Variants in TUBGCP5 observed in about 807,000 individuals in gnomAD.
TUBGCP5 encodes tubulin gamma complex component 5, also known as gamma-tubulin complex component 5.
A neutral mutation model predicts 134.7 loss-of-function variants in TUBGCP5; 98 were observed. That is an observed-to-expected ratio of 0.73 (90% CI 0.62 to 0.86). The LOEUF (loss-of-function observed/expected upper bound fraction) is 0.86. TUBGCP5 is among the 40% of genes least tolerant of loss of function. TUBGCP5 has a pLI of 0.00. For missense variants in TUBGCP5, 1,150 were observed against 1,244.8 expected, an observed-to-expected ratio of 0.92 and a Z score of 1.15; for synonymous variants, 456 against 431.4, an observed-to-expected ratio of 1.06 and a Z score of -0.71.
At chr15:23,016,135 A>G (rs922439885) in intron 13 of TUBGCP5, among the ~76,000 whole-genome samples, 5 of 152,234 alleles carry the variant, frequency 3.3e-5, no homozygotes, top group African/African-American at 1.2e-4. Context: ...TCAGGAAAAG[A>G]ATGATTTGAA....
At chr15:22,995,438 C>T (rs185182434), downstream of TUBGCP5, among the ~76,000 whole-genome samples, 9 of 152,012 alleles carry the variant, frequency 5.9e-5, no homozygotes, top group Non-Finnish European at 2.9e-5. Context: ...GGCCCAAAGC[C>T]ACCTGCAGCT....
intron 23 of TUBGCP5, among the ~76,000 whole-genome samples, chr15:22,993,074 T>C (rs1002949594): frequency 6.6e-6 from 1 of 152,192 alleles, no homozygotes; most frequent in East Asian, 1.9e-4. Flanking sequence ...GAAAATGTGC[T>C]CTAGAGACGA....
At chr15:23,003,424 A>G in intron 20 of TUBGCP5, among the ~76,000 whole-genome samples, 1 of 152,162 alleles carries the variant, frequency 6.6e-6, no homozygotes, top group East Asian at 1.9e-4. Context: ...ATTTAAATTC[A>G]CCAATGAAAC....
At position 23,032,745 on chromosome 15, in the gene TUBGCP5, G is replaced by C; in HGVS notation, c.389C>G (p.Pro130Arg). Reference sequence around the variant, plus strand: ...TAACATACCCACTTCTTTATTTCTTGGTGTCTCCACATAACTGCTGTTTGA... The same window carrying C: ...TAACATACCCACTTCTTTATTTCTTCGTGTCTCCACATAACTGCTGTTTGA... ...SPSNSSYVET[P>R]RNKEVEKKDD... The change falls in exon 4 of 23, where the codon CCA becomes CGA. Residue 130 changes from proline to arginine, a missense_variant. Pro to Arg is a moderately radical substitution (Grantham distance 103). Around this residue, in one of 2 missense-constraint regions of TUBGCP5, gnomAD observed 453 missense variants for 394.7 expected, o/e 1.15. Transcript: ENST00000615383. 6.3e-7 allele frequency: 1 copy of C among 1,579,720 alleles called. No individual in the cohort carries two copies. The highest frequency in any genetic ancestry group is 8.6e-7 in the Non-Finnish European group (1 of 1,165,824).
downstream of TUBGCP5, among the ~76,000 whole-genome samples, chr15:22,998,768 C>G (rs2064210980): frequency 6.6e-6 from 1 of 152,138 alleles, no homozygotes; most frequent in African/African-American, 2.4e-5. Flanking sequence ...ATGTGGGCCA[C>G]CACACCTGGC....
At chr15:23,023,701 C>G in intron 10 of TUBGCP5, 1 of 357,058 alleles carries the variant, frequency 2.8e-6, no homozygotes, top group Non-Finnish European at 5.1e-6. Flanking sequence ...GAGAGGAGAA[C>G]TGACTGGCTG....
chr15:23,039,249 GC>G, intron 1 of TUBGCP5, 148 bp downstream of exon 1: 1 of 904,106 alleles, frequency 1.1e-6, no homozygotes, highest in Non-Finnish European at 1.4e-6. Flanking sequence ...CGGGGAGCAG[GC>G]GGTGGCAGGG....
chr15:23,031,083 A>T (rs1464831680), intron 5 of TUBGCP5, 63 bp from the exon 6 acceptor site: 6 of 1,433,636 alleles, frequency 4.2e-6, no homozygotes, highest in Non-Finnish European at 5.5e-6. Flanking sequence ...TATTTACATT[A>T]AAAGACTAAG....
At chr15:22,985,615 T>C (rs551253374) in intron 23 of TUBGCP5, among the ~76,000 whole-genome samples, 97 of 152,288 alleles carry the variant, frequency 6.4e-4, no homozygotes, top group African/African-American at 2.3e-3. Context: ...ATACTGTTCA[T>C]ATAATGGAAT....
chr15:23,031,734 T>C (rs2066324667), intron 5 of TUBGCP5, among the ~76,000 whole-genome samples: 1 of 152,062 alleles, frequency 6.6e-6, no homozygotes, highest in African/African-American at 2.4e-5. Context: ...GAGCAGGAGA[T>C]TACAGATGTG....
intron 10 of TUBGCP5, 189 bp downstream of exon 10, chr15:23,023,758 T>C: frequency 1.9e-6 from 1 of 515,488 alleles, no homozygotes; most frequent in Non-Finnish European, 3.2e-6. Context: ...TTCTAAATCT[T>C]CTGTAGTTTT....
intron 13 of TUBGCP5, 110 bp from the exon 14 acceptor site, chr15:23,011,441 ATATT>A (rs1206553922): frequency 6.3e-6 from 2 of 316,322 alleles, no homozygotes; most frequent in East Asian, 1.2e-4. Context: ...CAAAATCTAT[ATATT>A]TATATATAAA....
chr15:23,026,857 C>T (rs531759718), intron 7 of TUBGCP5, among the ~76,000 whole-genome samples: 1 of 152,094 alleles, frequency 6.6e-6, no homozygotes, highest in South Asian at 2.1e-4. Context: ...TGCTGGAACC[C>T]GGGAGGCAGA....
At position 23,030,902 on chromosome 15, in the gene TUBGCP5, G is replaced by A. The variant is rs1405299133; in HGVS notation, c.605C>T (p.Pro202Leu). Residue 202 changes from proline to leucine, a missense_variant, in exon 6 of 23, where the codon CCT becomes CTT. Around this residue, in one of 2 missense-constraint regions of TUBGCP5, gnomAD observed 453 missense variants for 394.7 expected, o/e 1.15. Coordinates refer to ENST00000615383, the MANE Select transcript of TUBGCP5 (RefSeq NM_052903.6). ...EEQDQNRKLD[P>L]CISWKDEPDD... ...CATAATACCTTTCCAACTGATACAA[G>A]GATCCAGTTTTCTGTTTTGATCTTG... 2.5e-6 allele frequency: 4 copies of A among 1,612,016 alleles called. No individual in the cohort carries two copies. The highest frequency in any genetic ancestry group is 2.5e-6 in the Non-Finnish European group (3 of 1,179,604).
chr15:23,037,078 T>C (rs1165219176), intron 2 of TUBGCP5, 21 bp downstream of exon 2: 2 of 1,612,252 alleles, frequency 1.2e-6, no homozygotes, highest in Non-Finnish European at 1.7e-6. Flanking sequence ...TCTGGATGCG[T>C]ATATATACAC....
At position 23,030,985 on chromosome 15, in the gene TUBGCP5, T is replaced by C. The variant is rs2066276696; in HGVS notation, c.522A>G (p.Gln174=). The C allele has an allele frequency of 1.2e-6, 2 of 1,613,186 alleles. No individual in the cohort carries two copies. Among genetic ancestry groups the C allele is most frequent in the Non-Finnish European group, 1.7e-6 (2 of 1,179,750 alleles). The stretch of plus-strand genomic sequence containing the variant: ...CAGAGTCCTCTCTGCTTAAGGGCTG[T>C]TGATCATTTTCCTCTTCACTTTCTT... ...WSEESEEEND[Q]QPLSREDSGI... The change falls in exon 6 of 23, where the codon CAA becomes CAG. Residue 174 remains glutamine (Q), a synonymous_variant. Coordinates refer to ENST00000615383, the MANE Select transcript of TUBGCP5 (RefSeq NM_052903.6).
rs755457259 is a variant in TUBGCP5 at position 23,013,976 on chromosome 15, C to T, written c.1757-2645G>A. ...GCTATGTGGAGCCTGGGCCCAGGAT[C>T]GACTGGTGATTCTGGTCCTGCACAG... On this transcript the variant is annotated intron_variant, in intron 13 of 22. Coordinates refer to ENST00000615383, the MANE Select transcript of TUBGCP5 (RefSeq NM_052903.6). This position sits in a 1 kb window ranked among gnomAD's most constrained non-coding sequence, Gnocchi z 4.5. 6.6e-6 allele frequency among the ~76,000 whole-genome samples: 1 copy of T among 152,198 alleles called. No homozygotes were observed. The highest frequency in any genetic ancestry group is 1.5e-5 in the Non-Finnish European group (1 of 68,016).
At chr15:23,004,433 T>C in intron 19 of TUBGCP5, 1 of 550,130 alleles carries the variant, frequency 1.8e-6, no homozygotes, top group Non-Finnish European at 3.1e-6. Context: ...GGGGCAATCC[T>C]GTAGGACGCC....
intron 22 of TUBGCP5, chr15:23,000,235 TAAAA>T (rs2064292782): frequency 4.2e-6 from 5 of 1,202,290 alleles, no homozygotes; most frequent in Non-Finnish European, 5.2e-6. Context: ...AAAAAATTTT[TAAAA>T]AGACTAGATT....
Sources: allele counts gnomAD v4.1 joint callset (sites outside exome capture counted in the v4.1 genomes callset), GRCh38; gene constraint gnomAD v4.1.1; regional missense constraint gnomAD v4.1.1; non-coding constraint Gnocchi (gnomAD v3.1); transcripts MANE v1.5; gene names NCBI Gene and HGNC (gene_info 2026-07-23, HGNC 2026-07-21).